The following SLC24A2 variants were observed in gnomAD, a reference collection of about 807,000 sequenced individuals.
The protein encoded by SLC24A2 is sodium/potassium/calcium exchanger 2.
In SLC24A2, 36 loss-of-function variants were observed where a neutral mutation model predicts 62.0. That is an observed-to-expected ratio of 0.58 (90% CI 0.44 to 0.77). The LOEUF is 0.77. SLC24A2 is among the 30% of genes least tolerant of loss of function. SLC24A2 has a pLI of 0.00. For missense variants in SLC24A2, 846 were observed against 817.9 expected (o/e 1.03, Z -0.42); for synonymous variants, 358 against 294.0 (o/e 1.22, Z -2.23).
the SLC24A2 span, among the ~76,000 whole-genome samples, chr9:19,855,774 C>T: frequency 1.3e-5 from 2 of 152,152 alleles, no homozygotes; most frequent in African/African-American, 4.8e-5. Flanking sequence ...TGGGGTTGAT[C>T]TTCTCATGGA....
chr9:19,866,084 A>C, the SLC24A2 span, among the ~76,000 whole-genome samples: 4 of 152,228 alleles, frequency 2.6e-5, no homozygotes, highest in Admixed American at 2.0e-4. Flanking sequence ...TATGGCAAAC[A>C]GACATATGAA....
the SLC24A2 span, chr9:19,895,670 C>T: frequency 1.4e-6 from 1 of 727,016 alleles, no homozygotes. Context: ...CTGCAGGCTC[C>T]TGCCTTCCTT....
chr9:19,531,401 G>A (rs551878234), intron 8 of SLC24A2, among the ~76,000 whole-genome samples: 1 of 152,212 alleles, frequency 6.6e-6, no homozygotes, highest in South Asian at 2.1e-4. Context: ...TATAGTAATG[G>A]GGGTTCATCC....
chr9:20,278,940 A>G, the SLC24A2 span, among the ~76,000 whole-genome samples: 3 of 152,192 alleles, frequency 2.0e-5, no homozygotes, highest in Non-Finnish European at 4.4e-5. Context: ...CAGTTCCACA[A>G]GGATTAGGAG....
chr9:19,648,053 C>G (rs900345268), intron 2 of SLC24A2, among the ~76,000 whole-genome samples: 1 of 152,122 alleles, frequency 6.6e-6, no homozygotes, highest in Non-Finnish European at 1.5e-5. Context: ...GCCTTATTCA[C>G]TAGTTCTCAT....
chr9:19,743,268 A>G (rs112611327), intron 2 of SLC24A2, among the ~76,000 whole-genome samples: 3 of 152,324 alleles, frequency 2.0e-5, no homozygotes, highest in African/African-American at 7.2e-5. Flanking sequence ...TAGTCAGTTT[A>G]TCACTTCTAT....
chr9:20,114,638 T>C, the SLC24A2 span, among the ~76,000 whole-genome samples: 1 of 152,292 alleles, frequency 6.6e-6, no homozygotes, highest in East Asian at 1.9e-4. Flanking sequence ...TTAATTCATT[T>C]ATTCATTCAT....
chr9:20,192,104 G>A, the SLC24A2 span, among the ~76,000 whole-genome samples: 707 of 152,292 alleles, frequency 4.6e-3, 2 homozygotes, highest in African/African-American at 0.016. Context: ...TTTCATGAAA[G>A]TGTTGGAATT....
the SLC24A2 span, among the ~76,000 whole-genome samples, chr9:20,212,095 C>T: frequency 6.0e-5 from 9 of 148,772 alleles, no homozygotes; most frequent in African/African-American, 2.3e-4. Flanking sequence ...AAATTTTAAA[C>T]ATTCAGTGAT....
chr9:19,615,691 G>A (rs1314043934), intron 4 of SLC24A2, among the ~76,000 whole-genome samples: 3 of 152,132 alleles, frequency 2.0e-5, no homozygotes, highest in African/African-American at 7.2e-5. Context: ...CATCTTTCAG[G>A]GAGAGGTTTC....
the SLC24A2 span, among the ~76,000 whole-genome samples, chr9:20,068,752 C>T: frequency 6.6e-6 from 1 of 152,152 alleles, no homozygotes; most frequent in African/African-American, 2.4e-5. Context: ...CAAATTAGGG[C>T]TGAAAGGAGG....
At chr9:20,231,897 G>A in the SLC24A2 span, among the ~76,000 whole-genome samples, 226 of 152,242 alleles carry the variant, frequency 1.5e-3, 2 homozygotes, top group African/African-American at 5.1e-3. Context: ...TTATTATTTT[G>A]AGATATGTCC....
At chr9:19,810,389 C>CT in the SLC24A2 span, among the ~76,000 whole-genome samples, 1 of 152,276 alleles carries the variant, frequency 6.6e-6, no homozygotes, top group African/African-American at 2.4e-5. Flanking sequence ...AGAGACTAGT[C>CT]TTTTTAAAAG....
At chr9:20,220,707 T>C in the SLC24A2 span, among the ~76,000 whole-genome samples, 1 of 152,114 alleles carries the variant, frequency 6.6e-6, no homozygotes, top group African/African-American at 2.4e-5. Context: ...TCTCCTAACT[T>C]AGAACGCTGT....
intron 9 of SLC24A2, among the ~76,000 whole-genome samples, chr9:19,521,262 G>A (rs1234659810): frequency 6.6e-6 from 1 of 152,198 alleles, no homozygotes; most frequent in Non-Finnish European, 1.5e-5. Flanking sequence ...CATCAGGAAT[G>A]TTCACATGAA....
chr9:19,634,651 A>G (rs1408211603), intron 2 of SLC24A2, among the ~76,000 whole-genome samples: 1 of 152,222 alleles, frequency 6.6e-6, no homozygotes, highest in Non-Finnish European at 1.5e-5. Context: ...GCATTCCCCA[A>G]GTAAACATAA....
At chr9:20,254,327 C>G in the SLC24A2 span, among the ~76,000 whole-genome samples, 23 of 152,162 alleles carry the variant, frequency 1.5e-4, no homozygotes, top group African/African-American at 4.8e-4. Context: ...ATAATGCCAT[C>G]AAAATCAATT....
the SLC24A2 span, among the ~76,000 whole-genome samples, chr9:20,008,898 C>A: frequency 3.9e-5 from 6 of 152,192 alleles, no homozygotes; most frequent in African/African-American, 7.2e-5. Context: ...GCTTCACTCT[C>A]CCCCACAGAA....
chr9:20,176,359 A>G, the SLC24A2 span, among the ~76,000 whole-genome samples: 1 of 152,100 alleles, frequency 6.6e-6, no homozygotes, highest in Non-Finnish European at 1.5e-5. Context: ...GATGAATCAG[A>G]TAGTAAATCA....
Sources: gnomAD v4.1 joint callset for allele counts (sites outside exome capture counted in the v4.1 genomes callset) on GRCh38, gnomAD v4.1.1 for gene constraint, MANE v1.5 for transcripts, NCBI Gene and HGNC (gene_info 2026-07-23, HGNC 2026-07-21) for gene names.